HERC2: variants seen among roughly 807,000 people sequenced by gnomAD.
HERC2 encodes E3 ubiquitin-protein ligase HERC2.
HERC2 carries 102 observed loss-of-function variants against 537.7 expected under a neutral mutation model. That is an observed-to-expected ratio of 0.19 (90% CI 0.16 to 0.22). HERC2 has a LOEUF of 0.22. Ranked by LOEUF, HERC2 falls within the 10% of genes least tolerant of loss-of-function variation. The pLI is 1.00. For missense variants in HERC2, 4,236 were observed against 6,198.2 expected (o/e 0.68, Z 10.63); for synonymous variants, 2,224 against 2,466.2 (o/e 0.90, Z 2.91).
chr15:28,226,880 TAA>T (rs1409857572), intron 35 of HERC2, among the ~76,000 whole-genome samples: 6 of 152,374 alleles, frequency 3.9e-5, no homozygotes, highest in Middle Eastern at 3.4e-3. Flanking sequence ...ACGAAATTTT[TAA>T]AGAGTCTGAG....
intron 25 of HERC2, among the ~76,000 whole-genome samples, chr15:28,237,745 G>C (rs1884335143): frequency 6.6e-6 from 1 of 152,132 alleles, no homozygotes; most frequent in South Asian, 2.1e-4. Context: ...ACATAGGAAG[G>C]ACATATTTCT....
At chr15:28,127,919 A>T (rs1889682380) in intron 83 of HERC2, among the ~76,000 whole-genome samples, 1 of 152,206 alleles carries the variant, frequency 6.6e-6, no homozygotes, top group African/African-American at 2.4e-5. Flanking sequence ...ATTTAAATAG[A>T]TTCAGGATGT....
rs113757064 is a variant in HERC2, at chr15:28,205,119, C to G, written c.7212+1121G>C. ...TAATAGAAAATACGAAAAGCAACCA[C>G]AGAAAAAAGACATTTCATGAAAAAG... is the stretch of plus-strand genomic sequence containing the variant. On this transcript the variant is annotated intron_variant, in intron 45 of 92. Coordinates refer to ENST00000261609, the MANE Select transcript of HERC2 (RefSeq NM_004667.6). Among the ~76,000 whole-genome samples, 193 of 152,052 alleles carry G rather than the reference C, an allele frequency of 1.3e-3. 2 individuals are homozygous for G. The highest frequency in any genetic ancestry group is 4.3e-3 in the African/African-American group (178 of 41,350).
chr15:28,289,089 A>G (rs1183274618), intron 4 of HERC2, among the ~76,000 whole-genome samples: 4 of 151,894 alleles, frequency 2.6e-5, no homozygotes, highest in African/African-American at 4.8e-5. Flanking sequence ...CAAGTGAAAG[A>G]TGTAACTGAA....
intron 78 of HERC2, among the ~76,000 whole-genome samples, chr15:28,137,361 T>C (rs4778142): frequency 0.84 from 128,348 of 152,156 alleles, 57,871 homozygotes; most frequent in Non-Finnish European, 0.99. Flanking sequence ...GACTGTGCCT[T>C]GCTTTACTGT....
chr15:28,167,495 G>A lies in HERC2; in HGVS notation c.10554+192C>T, dbSNP rs574162045. ...CAGTCCTGATACTCAAGGAATACACGTGGAAGCAGTAAGCAGTGACAGGGA... is the reference window on the plus strand; with the variant it reads ...CAGTCCTGATACTCAAGGAATACACATGGAAGCAGTAAGCAGTGACAGGGA... On this transcript the variant is annotated intron_variant, in intron 68 of 92. Transcript: ENST00000261609. Among the ~76,000 whole-genome samples the A allele has an allele frequency of 1.1e-3, 162 of 152,288 alleles. No individual in the cohort carries two copies. In the Middle Eastern group the frequency reaches 0.02, roughly 19 times the overall value.
rs963590401 is a variant in HERC2, at chr15:28,176,871, T to C, written c.9432+79A>G. 1.1e-5 allele frequency: 18 copies of C among 1,581,800 alleles called. No individual in the cohort carries two copies. In the African/African-American group the frequency reaches 2.0e-4, roughly 18 times the overall value. On this transcript the variant is annotated intron_variant, in intron 61 of 92. Coordinates refer to ENST00000261609, the MANE Select transcript of HERC2 (RefSeq NM_004667.6). The surrounding 1 kb of genome is among the most constrained non-coding windows in gnomAD (Gnocchi z 5.0). ...ACCATGCACACATCTTTATGAACTT[T>C]CCTAGACTTGAAGCTTATTTTCTCT...
chr15:28,314,407 C>A (rs1294343493), intron 2 of HERC2, among the ~76,000 whole-genome samples: 1 of 152,132 alleles, frequency 6.6e-6, no homozygotes, highest in Non-Finnish European at 1.5e-5. Context: ...AATGAAGCAA[C>A]GGTATGCAGT....
At chr15:28,285,371 A>T (rs1449041696) in intron 4 of HERC2, among the ~76,000 whole-genome samples, 1 of 152,240 alleles carries the variant, frequency 6.6e-6, no homozygotes, top group Non-Finnish European at 1.5e-5. Flanking sequence ...GAAACAAATT[A>T]GAAGTCAACA....
chr15:28,164,789 C>T (rs1893963857), intron 68 of HERC2, among the ~76,000 whole-genome samples: 1 of 152,124 alleles, frequency 6.6e-6, no homozygotes, highest in African/African-American at 2.4e-5. Context: ...TCATATTATC[C>T]TTTTACCTAA....
chr15:28,168,638 T>G, intron 66 of HERC2, 48 bp from the exon 67 acceptor site: 2 of 1,555,408 alleles, frequency 1.3e-6, no homozygotes, highest in Non-Finnish European at 1.7e-6. Context: ...CCTTCTCCAC[T>G]GCAGCACAGG....
At chr15:28,131,791 CT>C (rs1205428029) in intron 81 of HERC2, among the ~76,000 whole-genome samples, 1 of 152,192 alleles carries the variant, frequency 6.6e-6, no homozygotes, top group Non-Finnish European at 1.5e-5. Context: ...ATGTGATATC[CT>C]TCTCTGAGAC....
At chr15:28,191,103 G>C in intron 54 of HERC2, 36 bp downstream of exon 54, 1 of 1,591,142 alleles carries the variant, frequency 6.3e-7, no homozygotes, top group East Asian at 2.2e-5. Flanking sequence ...CTTTATTATA[G>C]AAGGTACTTC....
At chr15:28,280,324 C>A in intron 4 of HERC2, 37 bp from the exon 5 acceptor site, 1 of 1,513,444 alleles carries the variant, frequency 6.6e-7, no homozygotes, top group Non-Finnish European at 9.0e-7. Flanking sequence ...CACCTGTGGA[C>A]AATGTGGCCA....
intron 2 of HERC2, among the ~76,000 whole-genome samples, chr15:28,311,291 T>C (rs1489063887): frequency 6.7e-5 from 10 of 149,766 alleles, no homozygotes; most frequent in Admixed American, 2.0e-4. Context: ...ACGGTGAAAC[T>C]CGGTCTCTAC....
intron 20 of HERC2, among the ~76,000 whole-genome samples, chr15:28,249,672 G>A (rs1904081600): frequency 6.6e-6 from 1 of 152,044 alleles, no homozygotes; most frequent in African/African-American, 2.4e-5. Flanking sequence ...TTTTGAGACA[G>A]AGTCTAGCTT....
At chr15:28,212,106 T>C (rs1471005140) in intron 43 of HERC2, among the ~76,000 whole-genome samples, 6 of 152,098 alleles carry the variant, frequency 3.9e-5, no homozygotes, top group Non-Finnish European at 5.9e-5. Context: ...CTGTGAGCCA[T>C]GGTCCAACAG....
intron 4 of HERC2, among the ~76,000 whole-genome samples, chr15:28,290,543 G>C (rs764940470): frequency 6.6e-6 from 1 of 152,108 alleles, no homozygotes; most frequent in Non-Finnish European, 1.5e-5. Flanking sequence ...TTCTTATTAT[G>C]TGTGCATGAA....
chr15:28,306,846 T>G (rs1255403991), intron 2 of HERC2, among the ~76,000 whole-genome samples: 1 of 152,196 alleles, frequency 6.6e-6, no homozygotes, highest in African/African-American at 2.4e-5. Flanking sequence ...TTTTCCTTCT[T>G]TTTTTGAAGA....
Sources: allele counts gnomAD v4.1 joint callset (sites outside exome capture counted in the v4.1 genomes callset), GRCh38; gene constraint gnomAD v4.1.1; non-coding constraint Gnocchi (gnomAD v3.1); transcripts MANE v1.5; gene names NCBI Gene and HGNC (gene_info 2026-07-23, HGNC 2026-07-21).